Variants in MAGI2 observed in about 807,000 individuals in gnomAD.
MAGI2 encodes membrane associated guanylate kinase, WW and PDZ domain containing 2, also known as membrane-associated guanylate kinase, WW and PDZ domain-containing protein 2.
MAGI2 carries 35 observed loss-of-function variants against 133.3 expected under a neutral mutation model. That is an observed-to-expected ratio of 0.26 (90% CI 0.20 to 0.35). The LOEUF is 0.35. Ranked by LOEUF, MAGI2 falls within the 10% of genes least tolerant of loss-of-function variation. MAGI2 has a pLI of 1.00. For missense variants in MAGI2, 1,636 were observed against 1,863.4 expected (o/e 0.88, Z 2.25); for synonymous variants, 729 against 710.6 (o/e 1.03, Z -0.41).
intron 2 of MAGI2, among the ~76,000 whole-genome samples, chr7:78,937,675 A>G (rs1800621305): frequency 6.6e-6 from 1 of 152,126 alleles, no homozygotes; most frequent in Non-Finnish European, 1.5e-5. Flanking sequence ...AAAGCAACAG[A>G]TTATTTAGTA....
chr7:78,841,421 T>C (rs1792132043), intron 2 of MAGI2, among the ~76,000 whole-genome samples: 1 of 152,066 alleles, frequency 6.6e-6, no homozygotes, highest in Non-Finnish European at 1.5e-5. Flanking sequence ...CCTCACTCTT[T>C]GCTGGCATTT....
chr7:78,043,698 G>A (rs1811099546), intron 21 of MAGI2, among the ~76,000 whole-genome samples: 1 of 152,152 alleles, frequency 6.6e-6, no homozygotes, highest in South Asian at 2.1e-4. Flanking sequence ...TCACATCGTC[G>A]TTTGCTTAGG....
intron 7 of MAGI2, among the ~76,000 whole-genome samples, chr7:78,365,680 G>T (rs956802238): frequency 1.6e-4 from 25 of 152,166 alleles, no homozygotes; most frequent in African/African-American, 5.6e-4. Context: ...GACCTTTCTG[G>T]TTCTTGAATA....
chr7:78,633,017 G>C (rs1407508954), intron 2 of MAGI2, among the ~76,000 whole-genome samples: 1 of 152,126 alleles, frequency 6.6e-6, no homozygotes, highest in Non-Finnish European at 1.5e-5. Context: ...TGACAGACTG[G>C]ATAAAGAAAC....
rs1554473312 is a variant in MAGI2 at position 78,557,097 on chromosome 7, A to AAGAAAG, written c.539-35453_539-35452insCTTTCT. 1.1e-3 allele frequency among the ~76,000 whole-genome samples: 147 copies of AAGAAAG among 139,002 alleles called. 3 individuals carry two copies. In the East Asian group the frequency reaches 0.017, roughly 16 times the overall value. 91.2% of individuals were successfully genotyped at this position (139,002 alleles called of 152,430 possible). ...CAGAGTCTCAAAAAAAAAAAAAAAA[A>AAGAAAG]AAAGAAAAAGAAAAAAAAAGAATTT... On this transcript the variant is annotated intron_variant, in intron 3 of 21. Coordinates refer to ENST00000354212, the MANE Select transcript of MAGI2 (RefSeq NM_012301.4).
intron 1 of MAGI2, among the ~76,000 whole-genome samples, chr7:79,214,708 CATAA>C (rs1284771225): frequency 1.6e-5 from 2 of 128,582 alleles, no homozygotes; most frequent in African/African-American, 2.9e-5. Flanking sequence ...CATAAATATA[CATAA>C]ATATAAATAT....
At chr7:78,515,812 T>G (rs539571559) in intron 4 of MAGI2, among the ~76,000 whole-genome samples, 97 of 152,066 alleles carry the variant, frequency 6.4e-4, no homozygotes, top group Admixed American at 2.6e-3. Context: ...GGCTGGAGAA[T>G]GGCTTGAACA....
intron 2 of MAGI2, among the ~76,000 whole-genome samples, chr7:78,703,237 T>C (rs1404734312): frequency 6.6e-6 from 1 of 152,032 alleles, no homozygotes; most frequent in African/African-American, 2.4e-5. Context: ...CTTGCAAAAG[T>C]TTATATTTCT....
chr7:78,117,651 C>T (rs1326336963), intron 20 of MAGI2, among the ~76,000 whole-genome samples: 1 of 151,788 alleles, frequency 6.6e-6, no homozygotes, highest in Middle Eastern at 3.2e-3. Flanking sequence ...TATTCAGCAT[C>T]ATACAGTAAG....
chr7:78,530,702 C>A (rs1383752596), intron 3 of MAGI2, among the ~76,000 whole-genome samples: 1 of 152,166 alleles, frequency 6.6e-6, no homozygotes, highest in Non-Finnish European at 1.5e-5. Flanking sequence ...TAGGCTCCTA[C>A]TTTCGCACCT....
intron 2 of MAGI2, among the ~76,000 whole-genome samples, chr7:78,693,534 C>A (rs146679982): frequency 2.0e-5 from 3 of 152,142 alleles, no homozygotes; most frequent in Non-Finnish European, 4.4e-5. Flanking sequence ...AATTTTTCTT[C>A]CTGTCTACAG....
At chr7:78,804,626 G>A (rs1195334943) in intron 2 of MAGI2, among the ~76,000 whole-genome samples, 2 of 151,444 alleles carry the variant, frequency 1.3e-5, no homozygotes, top group African/African-American at 4.9e-5. Context: ...GCGGGCGCCT[G>A]TAGTCCCAGC....
intron 1 of MAGI2, among the ~76,000 whole-genome samples, chr7:79,242,608 G>C (rs997906584): frequency 6.6e-6 from 1 of 151,918 alleles, no homozygotes; most frequent in Non-Finnish European, 1.5e-5. Flanking sequence ...GGATTTGATG[G>C]GAATAAAAAG....
chr7:78,509,171 C>CAGTAAAGA (rs1466613385), intron 4 of MAGI2, among the ~76,000 whole-genome samples: 1 of 151,608 alleles, frequency 6.6e-6, no homozygotes, highest in Non-Finnish European at 1.5e-5. Context: ...AAGAATATTT[C>CAGTAAAGA]AGTAAAGAAG....
intron 1 of MAGI2, among the ~76,000 whole-genome samples, chr7:79,325,816 C>T (rs1013216047): frequency 1.1e-4 from 16 of 152,088 alleles, no homozygotes; most frequent in South Asian, 8.3e-4. Context: ...CATAGGAAGG[C>T]ATTATTTTTA....
intron 1 of MAGI2, among the ~76,000 whole-genome samples, chr7:79,062,456 C>T (rs1461755021): frequency 3.3e-5 from 5 of 152,114 alleles, no homozygotes; most frequent in South Asian, 2.1e-4. Flanking sequence ...CCGTCTGGCT[C>T]CTCCCTGTCA....
At chr7:78,454,744 GCAATGAGCTCT>G (rs1789122051) in intron 6 of MAGI2, among the ~76,000 whole-genome samples, 1 of 152,046 alleles carries the variant, frequency 6.6e-6, no homozygotes, top group African/African-American at 2.4e-5. Flanking sequence ...GAGATAAAAC[GCAATGAGCTCT>G]CAATCCATGA....
At chr7:78,331,377 TA>T (rs1030012391) in intron 9 of MAGI2, among the ~76,000 whole-genome samples, 11 of 152,078 alleles carry the variant, frequency 7.2e-5, no homozygotes, top group African/African-American at 2.7e-4. Flanking sequence ...AAATTATGTA[TA>T]AAAAAATAAT....
intron 3 of MAGI2, among the ~76,000 whole-genome samples, chr7:78,578,033 C>CAAA (rs557622518): frequency 8.2e-6 from 1 of 121,882 alleles, no homozygotes; most frequent in Non-Finnish European, 1.8e-5. Flanking sequence ...TGAAAAAGAC[C>CAAA]AAAAAAAAAA....
Sources: gnomAD v4.1 joint callset for allele counts (sites outside exome capture counted in the v4.1 genomes callset) on GRCh38, gnomAD v4.1.1 for gene constraint, MANE v1.5 for transcripts, NCBI Gene and HGNC (gene_info 2026-07-23, HGNC 2026-07-21) for gene names.